Variants in PDE3A observed in about 807,000 individuals in gnomAD.
PDE3A encodes phosphodiesterase 3A.
PDE3A carries 43 observed loss-of-function variants against 98.3 expected under a neutral mutation model. That is an observed-to-expected ratio of 0.44 (90% CI 0.34 to 0.56). The LOEUF is 0.56. PDE3A is among the 20% of genes least tolerant of loss of function. PDE3A has a pLI of 0.01. For missense variants in PDE3A, 1,427 were observed against 1,440.7 expected, an observed-to-expected ratio of 0.99 and a Z score of 0.15; for synonymous variants, 663 against 567.9, an observed-to-expected ratio of 1.17 and a Z score of -2.38.
At chr12:20,511,986 A>G (rs1946233867) in intron 1 of PDE3A, among the ~76,000 whole-genome samples, 1 of 152,122 alleles carries the variant, frequency 6.6e-6, no homozygotes, top group Non-Finnish European at 1.5e-5. Flanking sequence ...GGGATATTAT[A>G]GAATATACAC....
intron 5 of PDE3A, among the ~76,000 whole-genome samples, chr12:20,628,156 C>T (rs1944309296): frequency 6.6e-6 from 1 of 152,106 alleles, no homozygotes; most frequent in Non-Finnish European, 1.5e-5. Context: ...TCTAGAGTTT[C>T]CAAATAAAAT....
At chr12:20,471,468 TC>T (rs1162379248) in intron 1 of PDE3A, among the ~76,000 whole-genome samples, 7 of 152,132 alleles carry the variant, frequency 4.6e-5, no homozygotes, top group Non-Finnish European at 1.0e-4. Flanking sequence ...TTTCCTCTGT[TC>T]TTCTGCTCCA....
chr12:20,567,096 T>C (rs1942679845), intron 2 of PDE3A, among the ~76,000 whole-genome samples: 1 of 152,014 alleles, frequency 6.6e-6, no homozygotes, highest in African/African-American at 2.4e-5. Flanking sequence ...CAAACAAGTT[T>C]TGCTAAATAG....
rs55780939 is a variant in PDE3A at position 20,453,173 on chromosome 12, C to CTTTT, written c.960+82944_960+82947dup. Among the ~76,000 whole-genome samples, 568 of 124,594 alleles carry CTTTT rather than the reference C, an allele frequency of 4.6e-3. 12 individuals are homozygous for CTTTT. The highest frequency in any genetic ancestry group is 8.4e-3 in the South Asian group (31 of 3,712). 81.7% of individuals were successfully genotyped at this position (124,594 alleles called of 152,430 possible). ...GTTTTGGATGACAAACTTGATAATG[C>CTTTT]TTTTTTTTTTTTTTTTTTGAGACTG... On this transcript the variant is annotated intron_variant, in intron 1 of 15. Coordinates refer to ENST00000359062, the MANE Select transcript of PDE3A (RefSeq NM_000921.5).
chr12:20,372,786 G>C (rs1252694838), intron 1 of PDE3A, among the ~76,000 whole-genome samples: 1 of 152,096 alleles, frequency 6.6e-6, no homozygotes, highest in African/African-American at 2.4e-5. Flanking sequence ...GGCAACAAGT[G>C]AATTTTAAAT....
At chr12:20,601,765 C>CTTTT (rs146826408) in intron 2 of PDE3A, among the ~76,000 whole-genome samples, 3 of 148,436 alleles carry the variant, frequency 2.0e-5, no homozygotes, top group Non-Finnish European at 4.5e-5. Flanking sequence ...TCTTTTTTAG[C>CTTTT]TTTTTTTTTT....
chr12:20,632,690 G>A (rs1944407849), intron 6 of PDE3A, among the ~76,000 whole-genome samples: 1 of 151,812 alleles, frequency 6.6e-6, no homozygotes, highest in Non-Finnish European at 1.5e-5. Context: ...TTTCTTGGTG[G>A]TTTACGGTAC....
Position 20,667,929 on chromosome 12 carries a change from T to C in PDE3A, c.3185-12101T>C, listed in dbSNP as rs1945360864. 2.0e-5 allele frequency among the ~76,000 whole-genome samples: 3 copies of C among 152,196 alleles called. No homozygotes were observed. The South Asian group carries it at 6.2e-4, about 31-fold the overall frequency. ...AGATGGTGATTTCTGCATTTCCATC[T>C]GAGGTACCGGGTTCATCTCTCTAGG... is the stretch of plus-strand genomic sequence containing the variant. On this transcript the variant is annotated intron_variant, in intron 15 of 15. Transcript: ENST00000359062.
At chr12:20,477,665 T>G (rs1449503719) in intron 1 of PDE3A, among the ~76,000 whole-genome samples, 1 of 152,200 alleles carries the variant, frequency 6.6e-6, no homozygotes, top group Non-Finnish European at 1.5e-5. Flanking sequence ...TCAAGGTAAT[T>G]AAAACATTAC....
chr12:20,686,330 T>C lies in PDE3A; in HGVS notation c.*6059T>C, dbSNP rs1945960487. On this transcript the variant is annotated 3_prime_UTR_variant, in exon 16 of 16. Transcript: ENST00000359062. ...GTTTTGTGTTGTTATAAAATAAATG[T>C]TCTATTAATGTATATTTTATTTTAC... is the stretch of plus-strand genomic sequence containing the variant. Among the ~76,000 whole-genome samples, 1 of 152,154 alleles carries C rather than the reference T, an allele frequency of 6.6e-6. No homozygotes were observed. Among genetic ancestry groups the C allele is most frequent in the Non-Finnish European group, 1.5e-5 (1 of 68,012 alleles).
chr12:20,624,179 A>G (rs1436368870), intron 5 of PDE3A, among the ~76,000 whole-genome samples: 2 of 152,152 alleles, frequency 1.3e-5, no homozygotes, highest in Non-Finnish European at 2.9e-5. Flanking sequence ...TCATACTAGA[A>G]AAAAATGAGG....
chr12:20,415,502 C>T (rs1944408224), intron 1 of PDE3A, among the ~76,000 whole-genome samples: 5 of 151,866 alleles, frequency 3.3e-5, no homozygotes, highest in Admixed American at 3.3e-4. Flanking sequence ...CTTACTGCAA[C>T]CACCAGCTCA....
At chr12:20,400,379 GTTTTTTTTTTTTTTTTTTTTTTTTTTTT>G (rs75851941) in intron 1 of PDE3A, among the ~76,000 whole-genome samples, 8 of 110,266 alleles carry the variant, frequency 7.3e-5, no homozygotes, top group South Asian at 2.8e-4. Flanking sequence ...GTTAACATTG[GTTTTTTTTTTTTTTTTTTTTTTTTTTTT>G]TTTTTTTTTT....
chr12:20,521,135 GT>G (rs11289147), intron 1 of PDE3A, among the ~76,000 whole-genome samples: 109,319 of 127,116 alleles, frequency 0.86, 46,359 homozygotes, highest in East Asian at 0.94. Flanking sequence ...CTCCTGGAGT[GT>G]TTTTTTTTTT....
At chr12:20,406,131 A>G (rs1231872014) in intron 1 of PDE3A, among the ~76,000 whole-genome samples, 2 of 152,190 alleles carry the variant, frequency 1.3e-5, no homozygotes, top group East Asian at 3.9e-4. Context: ...ATCCATTTAT[A>G]TATTGTTGAA....
At chr12:20,478,381 T>A (rs1945565564) in intron 1 of PDE3A, among the ~76,000 whole-genome samples, 1 of 152,202 alleles carries the variant, frequency 6.6e-6, no homozygotes, top group Admixed American at 6.5e-5. Flanking sequence ...TTATACACCC[T>A]CATTAGAGCG....
At chr12:20,381,432 G>A (rs373689751) in intron 1 of PDE3A, among the ~76,000 whole-genome samples, 1 of 151,760 alleles carries the variant, frequency 6.6e-6, no homozygotes, top group African/African-American at 2.4e-5. Flanking sequence ...GGTCTTTTGA[G>A]GGCATAATAT....
chr12:20,640,035 T>C, intron 10 of PDE3A, 78 bp downstream of exon 10: 1 of 686,104 alleles, frequency 1.5e-6, no homozygotes, highest in Non-Finnish European at 2.7e-6. Context: ...AGTGAATCAT[T>C]AGCAGGTAGC....
chr12:20,561,177 G>C (rs770913521), intron 2 of PDE3A, among the ~76,000 whole-genome samples: 3 of 151,906 alleles, frequency 2.0e-5, no homozygotes, highest in Admixed American at 2.0e-4. Flanking sequence ...AGAATAGCTT[G>C]AGCCCCGGAG....
Sources: allele counts gnomAD v4.1 joint callset (sites outside exome capture counted in the v4.1 genomes callset), GRCh38; gene constraint gnomAD v4.1.1; transcripts MANE v1.5; gene names NCBI Gene and HGNC (gene_info 2026-07-23, HGNC 2026-07-21).